CCDC81: variants seen among roughly 807,000 people sequenced by gnomAD.
CCDC81 encodes coiled-coil domain containing 81, also known as coiled-coil domain-containing protein 81.
In CCDC81, 79 loss-of-function variants were observed where a neutral mutation model predicts 83.7. The observed-to-expected ratio is 0.94, with a 90% CI of 0.79 to 1.14. The LOEUF is 1.14. Among genes scored for constraint, CCDC81 ranks in the 50% most tolerant of loss-of-function variants. The pLI, the probability that CCDC81 is intolerant of heterozygous loss-of-function variation, is 0.00. For synonymous variants in CCDC81, 252 were observed against 278.1 expected (o/e 0.91, Z 0.93); for missense variants, 791 against 778.1 (o/e 1.02, Z -0.20).
intron 3 of CCDC81, among the ~76,000 whole-genome samples, chr11:86,388,210 C>CTCCTTCCT (rs35032279): frequency 0.14 from 19,959 of 144,212 alleles, 2,379 homozygotes; most frequent in African/African-American, 0.32. Flanking sequence ...CCCTCCTTCC[C>CTCCTTCCT]TCCTTCCTTC....
rs771695703 is a variant in CCDC81 at position 86,422,672 on chromosome 11, G to T, written c.1916G>T (p.Trp639Leu). 5.6e-6 allele frequency: 9 copies of T among 1,613,986 alleles called. No homozygotes were observed. In the African/African-American group the frequency reaches 1.2e-4, roughly 22 times the overall value. ...TCCAACGTGGGCGAGAGCAACCTGT[G>T]GCCCCTGAACAAGTTCCTGCCTGGC... ...RTSNVGESNL[W>L]PLNKFLPGSR... The change falls in exon 15 of 15, where the codon TGG (tryptophan) becomes TTG (leucine). Residue 639 changes from tryptophan (W) to leucine (L), a missense_variant. Coordinates refer to ENST00000445632, the MANE Select transcript of CCDC81 (RefSeq NM_001156474.2).
chr11:86,411,107 T>C (rs1593936985), intron 10 of CCDC81, among the ~76,000 whole-genome samples: 3 of 152,208 alleles, frequency 2.0e-5, no homozygotes, highest in Admixed American at 2.0e-4. Flanking sequence ...TGGCCTCCCA[T>C]TGAGTTAAAA....
At chr11:86,379,539 C>A (rs1948147764) in intron 1 of CCDC81, among the ~76,000 whole-genome samples, 1 of 152,158 alleles carries the variant, frequency 6.6e-6, no homozygotes. Flanking sequence ...TAATTCCTTC[C>A]TCCCATCCCT....
At chr11:86,412,695 G>T in intron 11 of CCDC81, 136 bp downstream of exon 11, 1 of 779,950 alleles carries the variant, frequency 1.3e-6, no homozygotes, top group Non-Finnish European at 2.0e-6. Flanking sequence ...CCAGTTAGCA[G>T]CCAGTACTGA....
chr11:86,389,625 G>T (rs1002506695), intron 3 of CCDC81, among the ~76,000 whole-genome samples: 7 of 152,100 alleles, frequency 4.6e-5, no homozygotes, highest in African/African-American at 1.7e-4. Context: ...TCACTATTAT[G>T]AGAACAGCAA....
intron 5 of CCDC81, among the ~76,000 whole-genome samples, chr11:86,395,980 T>A (rs1292727592): frequency 1.3e-5 from 2 of 152,172 alleles, no homozygotes; most frequent in African/African-American, 4.8e-5. Flanking sequence ...CTACCTTCCA[T>A]TAACCTTAGT....
rs534176084 is a variant in CCDC81 at position 86,412,391 on chromosome 11, C to G, written c.1223C>G (p.Ser408Cys). 85 of 1,583,710 alleles carry G rather than the reference C, an allele frequency of 5.4e-5. 2 individuals are homozygous for G. The South Asian group carries it at 8.7e-4, about 16-fold the overall frequency. ...ATTGCTTCTCTTTCATTCTAGAAAT[C>G]CTTCCTATTTGACAAACGGCCACTC... ...HKNEKPEFYKSFLFDKRPLSP... is the reference protein window; with the variant it reads ...HKNEKPEFYKCFLFDKRPLSP... Residue 408 changes from serine (S) to cysteine (C), a missense_variant, in exon 11 of 15, where the codon TCC (serine) becomes TGC (cysteine). Coordinates refer to ENST00000445632, the MANE Select transcript of CCDC81 (RefSeq NM_001156474.2).
At chr11:86,385,953 C>T in intron 1 of CCDC81, 98 bp from the exon 2 acceptor site, 1 of 510,774 alleles carries the variant, frequency 2.0e-6, no homozygotes, top group South Asian at 2.6e-5. Context: ...TCATTTGCTT[C>T]CACATTTCAT....
At chr11:86,395,716 G>A (rs1228888909) in intron 5 of CCDC81, among the ~76,000 whole-genome samples, 1 of 152,188 alleles carries the variant, frequency 6.6e-6, no homozygotes, top group Non-Finnish European at 1.5e-5. Flanking sequence ...GGTCTCCTGG[G>A]TTCAAGCAAT....
chr11:86,400,500 A>G (rs1329629121), intron 6 of CCDC81, among the ~76,000 whole-genome samples, 178 bp from the exon 7 acceptor site: 1 of 152,220 alleles, frequency 6.6e-6, no homozygotes, highest in Non-Finnish European at 1.5e-5. Context: ...TGCTTAGCAC[A>G]GTGCTTTCTT....
intron 13 of CCDC81, among the ~76,000 whole-genome samples, chr11:86,418,139 T>C (rs1050854068): frequency 6.6e-6 from 1 of 152,170 alleles, no homozygotes; most frequent in Non-Finnish European, 1.5e-5. Flanking sequence ...CCACAAATTA[T>C]TATGAAAGTG....
chr11:86,385,219 C>A (rs1948225665), intron 1 of CCDC81, among the ~76,000 whole-genome samples: 1 of 151,650 alleles, frequency 6.6e-6, no homozygotes, highest in Non-Finnish European at 1.5e-5. Context: ...GAAACCCTGT[C>A]TCTACTAAAA....
In CCDC81 at chr11:86,422,671, T is replaced by A; in HGVS notation, c.1915T>A (p.Trp639Arg). ...CTCCAACGTGGGCGAGAGCAACCTG[T>A]GGCCCCTGAACAAGTTCCTGCCTGG... The part of the protein sequence containing the change: ...RTSNVGESNL[W>R]PLNKFLPGSR... Residue 639 changes from tryptophan (W) to arginine (R), a missense_variant, in exon 15 of 15, where the codon TGG becomes AGG. Transcript: ENST00000445632. The A allele has an allele frequency of 6.2e-7, 1 of 1,614,210 alleles. No individual in the cohort carries two copies. Among genetic ancestry groups the A allele is most frequent in the Non-Finnish European group, 8.5e-7 (1 of 1,180,014 alleles).
intron 7 of CCDC81, among the ~76,000 whole-genome samples, chr11:86,406,112 A>T (rs74969287): frequency 6.6e-6 from 1 of 152,206 alleles, no homozygotes; most frequent in African/African-American, 2.4e-5. Flanking sequence ...TCTTCTTGCT[A>T]AAGTATATCC....
In CCDC81 at chr11:86,386,152, T is replaced by G. The variant is rs769112952; in HGVS notation, c.141+40T>G. 5 of 764,058 alleles carry G rather than the reference T, an allele frequency of 6.5e-6. No individual in the cohort carries two copies. In the African/African-American group the frequency reaches 7.5e-5, roughly 11 times the overall value. 47.3% of individuals were successfully genotyped at this position (764,058 alleles called of 1,614,324 possible). A position where few individuals can be genotyped will look rare whatever the true frequency, so the allele number is the denominator to read the frequency against. ...TTTATTAATTTATTAATAAATTAAT[T>G]TATTAATTTTAATGTAGGCATCTAA... On this transcript the variant is annotated intron_variant, in intron 2 of 14. Coordinates refer to ENST00000445632, the MANE Select transcript of CCDC81 (RefSeq NM_001156474.2).
chr11:86,408,301 T>C, intron 9 of CCDC81, 31 bp downstream of exon 9: 2 of 1,584,238 alleles, frequency 1.3e-6, no homozygotes, highest in East Asian at 2.2e-5. Context: ...GTCTTTAATA[T>C]GGGGCAATAG....
At position 86,412,573 on chromosome 11, in the gene CCDC81, C is replaced by T. The variant is rs1948660869; in HGVS notation, c.1391+14C>T. ...ACTCACAGAGGAGTGAGTCCAGCTA[C>T]ACACGCTCTGACAAATGGATTTGGA... On this transcript the variant is annotated intron_variant, in intron 11 of 14. Coordinates refer to ENST00000445632, the MANE Select transcript of CCDC81 (RefSeq NM_001156474.2). 1 of 1,582,610 alleles carries T rather than the reference C, an allele frequency of 6.3e-7. No individual in the cohort carries two copies. The highest frequency in any genetic ancestry group is 1.2e-5 in the South Asian group (1 of 85,042).
chr11:86,402,699 G>A (rs1266686786), intron 7 of CCDC81, among the ~76,000 whole-genome samples: 6 of 152,134 alleles, frequency 3.9e-5, no homozygotes, highest in African/African-American at 7.2e-5. Flanking sequence ...CTTCATGGTT[G>A]TAGCAAATTA....
chr11:86,386,132 T>A lies in CCDC81; in HGVS notation c.141+20T>A. On this transcript the variant is annotated intron_variant, in intron 2 of 14. Coordinates refer to ENST00000445632, the MANE Select transcript of CCDC81 (RefSeq NM_001156474.2). ...CACAAGGTAAGATTTATTAATTTAT[T>A]AATTTATTAATAAATTAATTTATTA... 1.1e-6 allele frequency: 1 copy of A among 914,540 alleles called. No homozygotes were observed. Among genetic ancestry groups the A allele is most frequent in the Non-Finnish European group, 1.5e-6 (1 of 673,104 alleles). 56.7% of individuals were successfully genotyped at this position (914,540 alleles called of 1,614,324 possible).
Sources: allele counts gnomAD v4.1 joint callset (sites outside exome capture counted in the v4.1 genomes callset), GRCh38; gene constraint gnomAD v4.1.1; transcripts MANE v1.5; gene names NCBI Gene and HGNC (gene_info 2026-07-23, HGNC 2026-07-21).